LTBP1: variants seen among roughly 807,000 people sequenced by gnomAD.
LTBP1 encodes latent transforming growth factor beta binding protein 1, also known as latent-transforming growth factor beta-binding protein 1.
A neutral mutation model predicts 207.6 loss-of-function variants in LTBP1; 129 were observed. The observed-to-expected ratio is 0.62, with a 90% CI of 0.54 to 0.72. LTBP1 has a LOEUF of 0.72. LTBP1 is among the 30% of genes least tolerant of loss of function. The pLI is 0.00. For missense variants in LTBP1, 2,281 were observed against 2,217.2 expected, an observed-to-expected ratio of 1.03 and a Z score of -0.58; for synonymous variants, 963 against 833.7, an observed-to-expected ratio of 1.16 and a Z score of -2.67.
At chr2:33,252,529 T>G in intron 10 of LTBP1, 148 bp from the exon 11 acceptor site, 1 of 716,296 alleles carries the variant, frequency 1.4e-6, no homozygotes, top group Non-Finnish European at 2.1e-6. Context: ...CTGATTTTTC[T>G]TCAAGAAAGG....
intron 2 of LTBP1, among the ~76,000 whole-genome samples, chr2:33,004,864 A>T (rs1280924653): frequency 6.7e-6 from 1 of 149,066 alleles, no homozygotes; most frequent in East Asian, 2.0e-4. Flanking sequence ...ATTATCAAAG[A>T]TGAGTATTTT....
At position 33,328,084 on chromosome 2, in the gene LTBP1, G is replaced by A. The variant is rs142485349; in HGVS notation, c.3730+12815G>A. Among the ~76,000 whole-genome samples the A allele has an allele frequency of 4.8e-3, 719 of 150,406 alleles. 9 individuals are homozygous for A. The highest frequency in any genetic ancestry group is 0.017 in the African/African-American group (689 of 40,712). On this transcript the variant is annotated intron_variant, in intron 24 of 33. Coordinates refer to ENST00000404816, the MANE Select transcript of LTBP1 (RefSeq NM_206943.4). ...CGGAAGGTGAAGGTTGCAGTGAGCC[G>A]AGATCACGCCACTGCACTCTAGCTT...
chr2:33,285,111 G>T (rs1037646062), intron 19 of LTBP1, among the ~76,000 whole-genome samples: 1 of 145,646 alleles, frequency 6.9e-6, no homozygotes, highest in African/African-American at 2.6e-5. Flanking sequence ...GCGTGATCTC[G>T]GCTCACTGCA....
intron 16 of LTBP1, 68 bp from the exon 17 acceptor site, chr2:33,274,897 T>G: frequency 2.0e-6 from 3 of 1,520,402 alleles, no homozygotes; most frequent in Non-Finnish European, 2.7e-6. Flanking sequence ...TGATGGTATT[T>G]TACAGAACAG....
chr2:33,011,828 G>A lies in LTBP1; in HGVS notation c.566-9081G>A, dbSNP rs568717254. On this transcript the variant is annotated intron_variant, in intron 2 of 33. Coordinates refer to ENST00000404816, the MANE Select transcript of LTBP1 (RefSeq NM_206943.4). ...ATAATTTATCCTCCCAAACCTGATC[G>A]CTTATGAAACATAAATCCTGAATCA... 2.6e-5 allele frequency among the ~76,000 whole-genome samples: 4 copies of A among 151,664 alleles called. No homozygotes were observed. The South Asian group carries it at 6.3e-4, about 24-fold the overall frequency.
In LTBP1 at chr2:33,110,752, G is replaced by A. The variant is rs546203668; in HGVS notation, c.1033+1G>A. 17 of 1,613,654 alleles carry A rather than the reference G, an allele frequency of 1.1e-5. No individual in the cohort carries two copies. Among genetic ancestry groups the A allele is most frequent in the East Asian group, 6.7e-5 (3 of 44,884 alleles). On this transcript the variant is annotated splice_donor_variant, in intron 4 of 33. Transcript: ENST00000404816. LOFTEE classifies it high-confidence loss of function. ...GATCAAGTTGCGGCACCTTTTCAGCGTGAGTATAGTCTTATCAACCATTTT... is the reference window on the plus strand; with the variant it reads ...GATCAAGTTGCGGCACCTTTTCAGCATGAGTATAGTCTTATCAACCATTTT...
At chr2:33,062,106 C>G (rs2077295653) in intron 3 of LTBP1, among the ~76,000 whole-genome samples, 1 of 151,838 alleles carries the variant, frequency 6.6e-6, no homozygotes, top group African/African-American at 2.4e-5. Flanking sequence ...CTGTATATTC[C>G]CCTTTGTGAA....
chr2:32,955,434 TA>T (rs1463160108), intron 2 of LTBP1, among the ~76,000 whole-genome samples: 3 of 152,216 alleles, frequency 2.0e-5, no homozygotes, highest in African/African-American at 7.2e-5. Flanking sequence ...GAGTGCCTTT[TA>T]AAAAAGATTT....
chr2:33,345,675 A>G (rs1473379134), intron 25 of LTBP1, among the ~76,000 whole-genome samples: 3 of 152,260 alleles, frequency 2.0e-5, no homozygotes, highest in Admixed American at 6.5e-5. Context: ...TGGAAAACTG[A>G]GGTAATTATC....
rs199720339 is a variant in LTBP1, at chr2:33,054,161, T to C, written c.863+32955T>C. On this transcript the variant is annotated intron_variant, in intron 3 of 33. Transcript: ENST00000404816. ...GGTATAGGGGTTGGGTACAACTGGA[T>C]ATAGAGGAATTACTGCCTCACTGAT... 1.2e-4 allele frequency among the ~76,000 whole-genome samples: 19 copies of C among 152,306 alleles called. No homozygotes were observed. The East Asian group carries it at 3.7e-3, about 29-fold the overall frequency.
intron 3 of LTBP1, among the ~76,000 whole-genome samples, chr2:33,067,587 G>C (rs1450878095): frequency 2.0e-5 from 3 of 152,134 alleles, no homozygotes; most frequent in African/African-American, 2.4e-5. Flanking sequence ...AACATTCACA[G>C]ACACTTTTTG....
At chr2:33,151,441 C>G (rs932172720) in intron 5 of LTBP1, among the ~76,000 whole-genome samples, 1 of 152,052 alleles carries the variant, frequency 6.6e-6, no homozygotes, top group Non-Finnish European at 1.5e-5. Context: ...TGTGCTTCAG[C>G]TTACCCTTTT....
At chr2:33,315,310 A>G (rs1440608041) in intron 24 of LTBP1, 41 bp downstream of exon 24, 1 of 1,606,234 alleles carries the variant, frequency 6.2e-7, no homozygotes, top group South Asian at 1.1e-5. Context: ...GTGTGATAAA[A>G]GAGAGAGGAG....
At chr2:33,111,036 T>C (rs1433253886) in intron 4 of LTBP1, among the ~76,000 whole-genome samples, 1 of 152,222 alleles carries the variant, frequency 6.6e-6, no homozygotes, top group African/African-American at 2.4e-5. Context: ...GCTCTAACTT[T>C]GGGTCCAGTC....
intron 22 of LTBP1, among the ~76,000 whole-genome samples, chr2:33,305,750 G>C (rs1237792943): frequency 6.6e-6 from 1 of 152,104 alleles, no homozygotes; most frequent in Non-Finnish European, 1.5e-5. Context: ...TGAGGAAATG[G>C]GTAAGAACCA....
In LTBP1 at chr2:32,975,349, G is replaced by A. The variant is rs149196838; in HGVS notation, c.565+26404G>A. Among the ~76,000 whole-genome samples the A allele has an allele frequency of 4.2e-3, 645 of 152,120 alleles. 6 individuals carry two copies. The highest frequency in any genetic ancestry group is 0.014 in the African/African-American group (564 of 41,520). ...TGATCTGGGTGAATGTGATGACTGT[G>A]TATCTTGGGGATGATTGTCTCATAT... is the stretch of plus-strand genomic sequence containing the variant. On this transcript the variant is annotated intron_variant, in intron 2 of 33. Transcript: ENST00000404816.
intron 7 of LTBP1, among the ~76,000 whole-genome samples, chr2:33,197,126 G>A (rs1448243708): frequency 3.9e-5 from 6 of 152,302 alleles, no homozygotes; most frequent in East Asian, 3.9e-4. Context: ...GTGTTTATGT[G>A]AATTAGGCTG....
At chr2:33,057,813 C>T (rs1365286018) in intron 3 of LTBP1, among the ~76,000 whole-genome samples, 1 of 152,234 alleles carries the variant, frequency 6.6e-6, no homozygotes, top group Non-Finnish European at 1.5e-5. Flanking sequence ...CCTCTCCCTC[C>T]ACACCTCCCC....
chr2:33,225,503 A>G (rs1467955169), intron 9 of LTBP1, among the ~76,000 whole-genome samples: 1 of 152,232 alleles, frequency 6.6e-6, no homozygotes, highest in Non-Finnish European at 1.5e-5. Context: ...GCAGCAGGCA[A>G]AAGAGAACTT....
Sources: gnomAD v4.1 joint callset for allele counts (sites outside exome capture counted in the v4.1 genomes callset) on GRCh38, gnomAD v4.1.1 for gene constraint, MANE v1.5 for transcripts, NCBI Gene and HGNC (gene_info 2026-07-23, HGNC 2026-07-21) for gene names.